The following MBD5 variants were observed in gnomAD, a reference collection of about 807,000 sequenced individuals.
MBD5 encodes methyl-CpG binding domain protein 5.
A neutral mutation model predicts 117.3 loss-of-function variants in MBD5; 13 were observed. That is an observed-to-expected ratio of 0.11 (90% CI 0.07 to 0.18). The LOEUF is 0.18. Among genes scored for constraint, MBD5 ranks in the 10% least tolerant of loss-of-function variants. The pLI is 1.00. For synonymous variants in MBD5, 727 were observed against 766.4 expected (o/e 0.95, Z 0.85); for missense variants, 1,879 against 2,093.8 (o/e 0.90, Z 2.00).
At chr2:148,339,268 T>C (rs1448034507) in intron 3 of MBD5, among the ~76,000 whole-genome samples, 2 of 152,104 alleles carry the variant, frequency 1.3e-5, no homozygotes, top group Non-Finnish European at 2.9e-5. Context: ...AAAAAAATCT[T>C]GTTTTTTTCA....
At chr2:148,068,915 T>C (rs1481869851) in intron 1 of MBD5, among the ~76,000 whole-genome samples, 1 of 152,210 alleles carries the variant, frequency 6.6e-6, no homozygotes, top group Non-Finnish European at 1.5e-5. Context: ...TTGATTATAA[T>C]TTTAAGTAAT....
intron 1 of MBD5, among the ~76,000 whole-genome samples, chr2:148,140,416 A>T (rs777958552): frequency 2.6e-5 from 4 of 152,198 alleles, no homozygotes; most frequent in Non-Finnish European, 5.9e-5. Flanking sequence ...TAAATATTTT[A>T]CCACTTTTTT....
At chr2:148,373,629 T>A (rs1419196865) in intron 4 of MBD5, among the ~76,000 whole-genome samples, 1 of 127,246 alleles carries the variant, frequency 7.9e-6, no homozygotes, top group East Asian at 2.9e-4. Context: ...TTGATGAATT[T>A]AATATAAATT....
At chr2:148,116,679 G>A (rs951285677) in intron 1 of MBD5, among the ~76,000 whole-genome samples, 2 of 152,112 alleles carry the variant, frequency 1.3e-5, no homozygotes, top group Non-Finnish European at 2.9e-5. Flanking sequence ...TGAAAACAAA[G>A]TTAGAAAATT....
intron 1 of MBD5, among the ~76,000 whole-genome samples, chr2:148,149,176 G>C (rs533537436): frequency 0.012 from 1,667 of 143,394 alleles, 39 homozygotes; most frequent in African/African-American, 0.041. Context: ...ACCTATGAGT[G>C]AGAATATGCG....
intron 1 of MBD5, among the ~76,000 whole-genome samples, chr2:148,092,531 T>A (rs1350397341): frequency 6.6e-6 from 1 of 151,956 alleles, no homozygotes; most frequent in Non-Finnish European, 1.5e-5. Flanking sequence ...CTGGATGGAG[T>A]GGGGACCGTT....
chr2:148,428,108 C>T (rs1468691281), intron 4 of MBD5, among the ~76,000 whole-genome samples: 2 of 152,148 alleles, frequency 1.3e-5, no homozygotes, highest in Non-Finnish European at 2.9e-5. Context: ...ATCATCTCTG[C>T]CCAAAATCTC....
At chr2:148,123,078 A>G (rs1696806864) in intron 1 of MBD5, among the ~76,000 whole-genome samples, 1 of 152,204 alleles carries the variant, frequency 6.6e-6, no homozygotes, top group African/African-American at 2.4e-5. Context: ...TGCTCTTCCT[A>G]TCTTTTACCT....
chr2:148,080,005 A>G (rs893919523), intron 1 of MBD5, among the ~76,000 whole-genome samples: 11 of 152,246 alleles, frequency 7.2e-5, no homozygotes, highest in Non-Finnish European at 1.0e-4. Context: ...ATTTATCTCT[A>G]TCAGGTAAAG....
intron 3 of MBD5, among the ~76,000 whole-genome samples, chr2:148,296,864 A>ATTTTTTTTTTTTTTTTATTTTT (rs1701666204): frequency 1.6e-5 from 1 of 61,310 alleles, no homozygotes; most frequent in Non-Finnish European, 3.0e-5. Flanking sequence ...TAGTTCTTCA[A>ATTTTTTTTTTTTTTTTATTTTT]TTTTTTTTTT....
intron 4 of MBD5, among the ~76,000 whole-genome samples, chr2:148,447,278 T>G (rs1706589815): frequency 6.7e-6 from 1 of 148,874 alleles, no homozygotes. Context: ...GGAAAGAAAG[T>G]AGAGGATTGA....
intron 3 of MBD5, among the ~76,000 whole-genome samples, chr2:148,314,208 A>G (rs1027774546): frequency 2.0e-4 from 31 of 151,532 alleles, no homozygotes; most frequent in Admixed American, 2.0e-3. Context: ...TAAACATATC[A>G]TCTCACAATT....
At chr2:148,288,025 AT>A (rs1285243046) in intron 3 of MBD5, among the ~76,000 whole-genome samples, 2 of 151,650 alleles carry the variant, frequency 1.3e-5, no homozygotes, top group Non-Finnish European at 2.9e-5. Context: ...CAAATAACTC[AT>A]CAACTATGGC....
chr2:148,228,958 C>T (rs936694396), intron 2 of MBD5, among the ~76,000 whole-genome samples: 3 of 151,958 alleles, frequency 2.0e-5, no homozygotes, highest in African/African-American at 4.8e-5. Flanking sequence ...TGGTGATATC[C>T]CCTTTGTCAT....
intron 1 of MBD5, among the ~76,000 whole-genome samples, chr2:148,034,778 A>AT (rs1245742464): frequency 1.3e-5 from 2 of 152,234 alleles, no homozygotes; most frequent in Non-Finnish European, 2.9e-5. Flanking sequence ...TTGAGAAAGA[A>AT]AGGTCATGAA....
chr2:148,434,646 C>A (rs183053740), intron 4 of MBD5, among the ~76,000 whole-genome samples: 7 of 151,974 alleles, frequency 4.6e-5, no homozygotes, highest in Admixed American at 6.6e-5. Context: ...TGGTTCTTTG[C>A]ATTTGCGAAG....
In MBD5 at chr2:148,137,996, T is replaced by C. The variant is rs1249442731; in HGVS notation, c.-924-40704T>C. Among the ~76,000 whole-genome samples the C allele has an allele frequency of 2.0e-5, 3 of 152,250 alleles. No homozygotes were observed. The East Asian group carries it at 5.8e-4, about 29-fold the overall frequency. On this transcript the variant is annotated intron_variant, in intron 1 of 13. Coordinates refer to ENST00000642680, the MANE Select transcript of MBD5 (RefSeq NM_001378120.1). ...TTGCCTAACAATGCATTTCTCATAA[T>C]GTATCCCTGTCGTTAAGTGACACAT... is the stretch of plus-strand genomic sequence containing the variant.
intron 1 of MBD5, chr2:148,062,412 T>C (rs1695061938): frequency 6.6e-6 from 1 of 151,866 alleles, no homozygotes. Context: ...ATAATAATAG[T>C]ATAAATGAAG....
intron 3 of MBD5, among the ~76,000 whole-genome samples, chr2:148,282,786 T>G (rs1701279615): frequency 6.6e-6 from 1 of 151,946 alleles, no homozygotes; most frequent in Non-Finnish European, 1.5e-5. Flanking sequence ...TCAAGGTTAT[T>G]AAACCTCCCC....
Sources: gnomAD v4.1 joint callset for allele counts (sites outside exome capture counted in the v4.1 genomes callset) on GRCh38, gnomAD v4.1.1 for gene constraint, MANE v1.5 for transcripts, NCBI Gene and HGNC (gene_info 2026-07-23, HGNC 2026-07-21) for gene names.